Variants in ARHGEF28 observed in about 807,000 individuals in gnomAD.
ARHGEF28 encodes 190 kDa guanine nucleotide exchange factor.
ARHGEF28 carries 152 observed loss-of-function variants against 206.6 expected under a neutral mutation model. The observed-to-expected ratio is 0.74, with a 90% CI of 0.64 to 0.84. ARHGEF28 has a LOEUF of 0.84. ARHGEF28 is among the 40% of genes least tolerant of loss of function. The pLI, the probability that ARHGEF28 is intolerant of heterozygous loss-of-function variation, is 0.00. For missense variants in ARHGEF28, 2,028 were observed against 2,073.2 expected (o/e 0.98, Z 0.42); for synonymous variants, 763 against 776.4 (o/e 0.98, Z 0.29).
chr5:73,797,783 T>C (rs1754906992), intron 9 of ARHGEF28, among the ~76,000 whole-genome samples: 1 of 152,238 alleles, frequency 6.6e-6, no homozygotes, highest in Admixed American at 6.5e-5. Context: ...TAAATAGATA[T>C]GTAAGTCTTT....
chr5:73,631,529 G>C (rs186846440), intron 1 of ARHGEF28, among the ~76,000 whole-genome samples: 1 of 152,314 alleles, frequency 6.6e-6, no homozygotes, highest in Non-Finnish European at 1.5e-5. Flanking sequence ...AATCTCTCAA[G>C]TGGACCTGGC....
chr5:73,650,519 G>A (rs903088552), intron 1 of ARHGEF28, among the ~76,000 whole-genome samples: 8 of 151,826 alleles, frequency 5.3e-5, no homozygotes, highest in Admixed American at 4.6e-4. Flanking sequence ...ACCTGATCTC[G>A]TGATCTGCCA....
intron 4 of ARHGEF28, among the ~76,000 whole-genome samples, chr5:73,760,568 T>C (rs1752549560): frequency 6.6e-6 from 1 of 152,244 alleles, no homozygotes; most frequent in African/African-American, 2.4e-5. Flanking sequence ...GAATGTTCTT[T>C]AGATCCTATG....
chr5:73,885,303 T>G (rs370879230), intron 24 of ARHGEF28, among the ~76,000 whole-genome samples: 1 of 152,038 alleles, frequency 6.6e-6, no homozygotes, highest in East Asian at 1.9e-4. Context: ...ATATAACACA[T>G]TTCCTGCCCT....
chr5:73,762,475 AC>A (rs375145735), intron 4 of ARHGEF28, among the ~76,000 whole-genome samples: 3,327 of 144,896 alleles, frequency 0.023, 119 homozygotes, highest in African/African-American at 0.086. Context: ...AAAAAAAAAA[AC>A]AAAACAACAA....
intron 9 of ARHGEF28, among the ~76,000 whole-genome samples, chr5:73,815,932 C>T (rs562340011): frequency 6.6e-5 from 10 of 152,126 alleles, no homozygotes; most frequent in Non-Finnish European, 1.3e-4. Context: ...TTCACACTTG[C>T]GTTCTTTATT....
chr5:73,703,543 A>T (rs929875733), intron 2 of ARHGEF28, among the ~76,000 whole-genome samples: 3 of 152,088 alleles, frequency 2.0e-5, no homozygotes, highest in African/African-American at 7.2e-5. Flanking sequence ...TGCTACCTTC[A>T]AGGAGTCCAG....
chr5:73,848,476 T>A (rs2931443), intron 12 of ARHGEF28, among the ~76,000 whole-genome samples: 19 of 151,916 alleles, frequency 1.3e-4, no homozygotes, highest in Non-Finnish European at 2.1e-4. Flanking sequence ...TTTCCCTAAA[T>A]GTTGCAGCTA....
chr5:73,647,748 A>T (rs1037583767), intron 1 of ARHGEF28, among the ~76,000 whole-genome samples: 4 of 152,198 alleles, frequency 2.6e-5, no homozygotes, highest in Non-Finnish European at 5.9e-5. Context: ...CCATAAAATG[A>T]AGGGGAGAAT....
At position 73,842,968 on chromosome 5, in the gene ARHGEF28, C is replaced by T. The variant is rs534717618; in HGVS notation, c.1427+2208C>T. Among the ~76,000 whole-genome samples, 24 of 138,346 alleles carry T rather than the reference C, an allele frequency of 1.7e-4. No homozygotes were observed. The East Asian group carries it at 3.3e-3, about 19-fold the overall frequency. 90.8% of individuals were successfully genotyped at this position (138,346 alleles called of 152,430 possible). On this transcript the variant is annotated intron_variant, in intron 11 of 35. Transcript: ENST00000513042. ...CACTACTGCACTCCAGCCTGGGGGA[C>T]GGAGTGAGACTCTGTCTTTAAAAAA...
At chr5:73,918,662 T>C (rs1763351947) in intron 35 of ARHGEF28, among the ~76,000 whole-genome samples, 1 of 151,968 alleles carries the variant, frequency 6.6e-6, no homozygotes, top group South Asian at 2.1e-4. Flanking sequence ...GCCAGAGGCT[T>C]AAAACTTGGA....
intron 27 of ARHGEF28, 52 bp from the exon 28 acceptor site, chr5:73,893,145 C>T: frequency 2.1e-6 from 3 of 1,396,816 alleles, no homozygotes; most frequent in Non-Finnish European, 2.9e-6. Context: ...AATGAATCTA[C>T]AGATACTTGC....
intron 35 of ARHGEF28, chr5:73,923,102 A>C (rs1763608608): frequency 6.5e-7 from 1 of 1,535,676 alleles, no homozygotes; most frequent in Middle Eastern, 1.7e-4. Flanking sequence ...AGTATGACAA[A>C]GTGCAGTTGT....
At chr5:73,917,581 C>T (rs1201930903) in intron 35 of ARHGEF28, among the ~76,000 whole-genome samples, 1 of 152,206 alleles carries the variant, frequency 6.6e-6, no homozygotes, top group South Asian at 2.1e-4. Flanking sequence ...AGGGCCATCC[C>T]GCCTCAGCAC....
chr5:73,880,794 G>A (rs112469098), intron 22 of ARHGEF28, among the ~76,000 whole-genome samples: 5,555 of 152,176 alleles, frequency 0.037, 173 homozygotes, highest in Non-Finnish European at 0.052. Flanking sequence ...TTAGCTTGGC[G>A]TGGTGGTATG....
At position 73,915,142 on chromosome 5, in the gene ARHGEF28, T is replaced by C. The variant is rs574834245; in HGVS notation, c.4948+3567T>C. ...ATGATTAAGGACCAGGTTTTTGTTTTTATTGGTTTTTTTTTCTCCCCTCCT... is the reference window on the plus strand; with the variant it reads ...ATGATTAAGGACCAGGTTTTTGTTTCTATTGGTTTTTTTTTCTCCCCTCCT... On this transcript the variant is annotated intron_variant, in intron 35 of 35. Transcript: ENST00000513042. Among the ~76,000 whole-genome samples the C allele has an allele frequency of 9.2e-5, 14 of 152,040 alleles. No homozygotes were observed. In the South Asian group the frequency reaches 2.5e-3, roughly 27 times the overall value.
chr5:73,740,320 C>G (rs1580550622), intron 2 of ARHGEF28, among the ~76,000 whole-genome samples: 1 of 152,114 alleles, frequency 6.6e-6, no homozygotes, highest in Non-Finnish European at 1.5e-5. Flanking sequence ...ATTATAGATT[C>G]TAGACACTGA....
chr5:73,746,492 A>G (rs555137420), intron 2 of ARHGEF28, among the ~76,000 whole-genome samples: 1 of 152,218 alleles, frequency 6.6e-6, no homozygotes. Context: ...AATAGGAAAA[A>G]TGAAAAAAGG....
chr5:73,806,284 GATAGTATATATAGT>G lies in ARHGEF28; in HGVS notation c.1024+10911_1024+10924del, dbSNP rs1239064053. On this transcript the variant is annotated intron_variant, in intron 9 of 35. Transcript: ENST00000513042. ...TAGTATATATAGATATATATACATA[GATAGTATATATAGT>G]ATAGTATATATAGTATATATATACT... 4.5e-3 allele frequency among the ~76,000 whole-genome samples: 548 copies of G among 122,648 alleles called. 28 individuals are homozygous for G. The highest frequency in any genetic ancestry group is 0.016 in the African/African-American group (498 of 30,286). The allele number at this position is 122,648 out of a possible 152,430, so 80.5% of individuals were successfully genotyped here.
Sources: gnomAD v4.1 joint callset for allele counts (sites outside exome capture counted in the v4.1 genomes callset) on GRCh38, gnomAD v4.1.1 for gene constraint, MANE v1.5 for transcripts, NCBI Gene and HGNC (gene_info 2026-07-23, HGNC 2026-07-21) for gene names.